The following HIP1 variants were observed in gnomAD, a reference collection of about 807,000 sequenced individuals.
HIP1 encodes the protein huntingtin-interacting protein 1.
A neutral mutation model predicts 147.6 loss-of-function variants in HIP1; 65 were observed. The ratio of observed to expected loss-of-function variants is 0.44; its 90% CI spans 0.36 to 0.54. HIP1 has a LOEUF of 0.54. Among genes scored for constraint, HIP1 ranks in the 20% least tolerant of loss-of-function variants. HIP1 has a pLI of 0.00. For synonymous variants in HIP1, 479 were observed against 504.0 expected, an observed-to-expected ratio of 0.95 and a Z score of 0.67; for missense variants, 1,061 against 1,299.6, an observed-to-expected ratio of 0.82 and a Z score of 2.82.
intron 18 of HIP1, 148 bp from the exon 19 acceptor site, chr7:75,555,699 A>C: frequency 1.1e-6 from 1 of 875,594 alleles, no homozygotes; most frequent in Non-Finnish European, 1.7e-6. Flanking sequence ...AAGGCGCTTT[A>C]ACTGTGTGCA....
rs185485145 is a variant in HIP1 at position 75,693,446 on chromosome 7, T to A, written c.120+45355A>T. On this transcript the variant is annotated intron_variant, in intron 1 of 30. Transcript: ENST00000336926. ...TCTGGCTGTCATCTTCTCTTCCTCT[T>A]GTCTTGCCGAAGTGTGCCCTCCAGG... 1.6e-3 allele frequency among the ~76,000 whole-genome samples: 240 copies of A among 152,288 alleles called. 1 individual carries two copies. The highest frequency in any genetic ancestry group is 5.6e-3 in the African/African-American group (233 of 41,572).
At chr7:75,574,286 C>T (rs1171024323) in intron 7 of HIP1, among the ~76,000 whole-genome samples, 1 of 146,614 alleles carries the variant, frequency 6.8e-6, no homozygotes, top group Non-Finnish European at 1.5e-5. Flanking sequence ...AACTCAGTCT[C>T]GAAAAAAAAA....
intron 1 of HIP1, chr7:75,625,258 C>T (rs1007285180): frequency 2.0e-5 from 3 of 152,150 alleles, no homozygotes; most frequent in Admixed American, 6.6e-5. Context: ...AGGCTGGTCT[C>T]AAACTCCTGG....
chr7:75,555,486 C>T lies in HIP1; in HGVS notation c.1893G>A (p.Ala631=), dbSNP rs782494323. Residue 631 remains alanine, a synonymous_variant, in exon 19 of 31, where the codon GCG becomes GCA. Coordinates refer to ENST00000336926, the MANE Select transcript of HIP1 (RefSeq NM_005338.7). ...TCAGGGCGTCTTGTATCACCTGCTC[C>T]GCAGCCTTCCTGGACCCCACCAGAA... ...KMLLVGSRKA[A]EQVIQDALNQ... is the part of the protein sequence containing the mutation. 17 of 1,614,078 alleles carry T rather than the reference C, an allele frequency of 1.1e-5. No individual in the cohort carries two copies. The South Asian group carries it at 1.1e-4, about 10-fold the overall frequency.
At chr7:75,597,984 A>C (rs1554502287) in intron 2 of HIP1, among the ~76,000 whole-genome samples, 1 of 151,970 alleles carries the variant, frequency 6.6e-6, no homozygotes, top group Non-Finnish European at 1.5e-5. Context: ...GTGGGCTTAC[A>C]GAGGGCTTTC....
chr7:75,699,533 C>T (rs770706785), intron 1 of HIP1, among the ~76,000 whole-genome samples: 8 of 152,064 alleles, frequency 5.3e-5, no homozygotes, highest in Non-Finnish European at 1.2e-4. Flanking sequence ...AGTGAGTTCT[C>T]CATATAAAGA....
intron 8 of HIP1, among the ~76,000 whole-genome samples, chr7:75,572,031 G>C (rs1554496714): frequency 6.6e-6 from 1 of 152,108 alleles, no homozygotes; most frequent in Non-Finnish European, 1.5e-5. Flanking sequence ...CCAACATGGG[G>C]AAACCCCATC....
chr7:75,586,194 CTTTTTTTTG>C (rs1796270183), intron 5 of HIP1, among the ~76,000 whole-genome samples: 1 of 150,872 alleles, frequency 6.6e-6, no homozygotes, highest in Admixed American at 6.6e-5. Context: ...GTTACTCTTT[CTTTTTTTTG>C]TTTTTTTTTT....
intron 1 of HIP1, among the ~76,000 whole-genome samples, chr7:75,690,387 G>A (rs1800408975): frequency 6.6e-6 from 1 of 152,116 alleles, no homozygotes; most frequent in Admixed American, 6.6e-5. Context: ...TTAGCTATAA[G>A]GGAAATGCAA....
rs192610920 is a variant in HIP1, at chr7:75,686,121, C to T, written c.120+52680G>A. ...GCCAGGCTGGTCTTGAACTCCTGGC[C>T]TCAAGTAATCCACCTGCCTCGGCCT... On this transcript the variant is annotated intron_variant, in intron 1 of 30. Transcript: ENST00000336926. Among the ~76,000 whole-genome samples, 129 of 151,998 alleles carry T rather than the reference C, an allele frequency of 8.5e-4. 2 individuals are homozygous for T. The East Asian group carries it at 0.022, about 27-fold the overall frequency.
chr7:75,549,099 C>T (rs935171627), intron 22 of HIP1, 98 bp from the exon 23 acceptor site: 6 of 829,328 alleles, frequency 7.2e-6, no homozygotes, highest in Non-Finnish European at 1.2e-5. Flanking sequence ...CAGGAGGCCA[C>T]CCAGCAAACA....
intron 1 of HIP1, among the ~76,000 whole-genome samples, chr7:75,676,179 T>C (rs1799879469): frequency 6.6e-6 from 1 of 152,194 alleles, no homozygotes; most frequent in Admixed American, 6.6e-5. Flanking sequence ...GTATTCTACA[T>C]CATGTGTGGC....
At chr7:75,680,010 T>G (rs1462502639) in intron 1 of HIP1, among the ~76,000 whole-genome samples, 1 of 152,180 alleles carries the variant, frequency 6.6e-6, no homozygotes, top group Non-Finnish European at 1.5e-5. Flanking sequence ...AATGAACAAG[T>G]CCTCAAAATG....
At chr7:75,695,216 G>A (rs1800595897) in intron 1 of HIP1, among the ~76,000 whole-genome samples, 1 of 152,170 alleles carries the variant, frequency 6.6e-6, no homozygotes, top group Non-Finnish European at 1.5e-5. Context: ...TTTAGGGAGA[G>A]TGGGCAGGCA....
At chr7:75,628,348 T>C (rs1798109088) in intron 1 of HIP1, among the ~76,000 whole-genome samples, 4 of 152,204 alleles carry the variant, frequency 2.6e-5, no homozygotes, top group Admixed American at 2.0e-4. Context: ...TCCTGTACCA[T>C]TTGGCAGAAT....
intron 1 of HIP1, among the ~76,000 whole-genome samples, chr7:75,680,712 C>A (rs555105555): frequency 6.6e-6 from 1 of 152,020 alleles, no homozygotes; most frequent in Non-Finnish European, 1.5e-5. Context: ...CGGGTTCAAG[C>A]GATTCTCCTG....
intron 9 of HIP1, among the ~76,000 whole-genome samples, chr7:75,564,721 A>G (rs1194893598): frequency 6.6e-6 from 1 of 151,170 alleles, no homozygotes; most frequent in Non-Finnish European, 1.5e-5. Context: ...TCAGCCTCCA[A>G]GTAGCTGGGA....
At chr7:75,581,038 G>A (rs587635036) in intron 7 of HIP1, among the ~76,000 whole-genome samples, 199 bp downstream of exon 7, 12 of 152,250 alleles carry the variant, frequency 7.9e-5, no homozygotes, top group African/African-American at 2.6e-4. Context: ...CACTGCACCC[G>A]GCCGAGACCT....
intron 1 of HIP1, among the ~76,000 whole-genome samples, chr7:75,721,190 C>T (rs1484579267): frequency 6.6e-6 from 1 of 151,854 alleles, no homozygotes; most frequent in East Asian, 1.9e-4. Context: ...CAGCCTGCCC[C>T]AAATGGTGAA....
Sources: gnomAD v4.1 joint callset for allele counts (sites outside exome capture counted in the v4.1 genomes callset) on GRCh38, gnomAD v4.1.1 for gene constraint, MANE v1.5 for transcripts, NCBI Gene and HGNC (gene_info 2026-07-23, HGNC 2026-07-21) for gene names.